AK2: variants seen among roughly 807,000 people sequenced by gnomAD.
AK2 encodes the protein adenylate kinase 2.
In AK2, 15 loss-of-function variants were observed where a neutral mutation model predicts 24.6. That is an observed-to-expected ratio of 0.61 (90% CI 0.41 to 0.94). The LOEUF is 0.94. AK2 is among the 40% of genes least tolerant of loss of function. The pLI, the probability that AK2 is intolerant of heterozygous loss-of-function variation, is 0.00. For missense variants in AK2, 257 were observed against 304.1 expected, an observed-to-expected ratio of 0.85 and a Z score of 1.15; for synonymous variants, 102 against 114.0, an observed-to-expected ratio of 0.90 and a Z score of 0.67.
rs751675835 is a variant in AK2 at position 33,013,077 on chromosome 1, C to G, written c.*104G>C. On this transcript the variant is annotated 3_prime_UTR_variant, in exon 6 of 6. Coordinates refer to ENST00000672715, the MANE Select transcript of AK2 (RefSeq NM_001625.4). Reference sequence around the variant, plus strand: ...GCAAGTGCTTTTTTAATCAATACATCAAATGATATTTTTGCTAGCCTGAGG... The same window carrying G: ...GCAAGTGCTTTTTTAATCAATACATGAAATGATATTTTTGCTAGCCTGAGG... 1.2e-5 allele frequency: 20 copies of G among 1,608,398 alleles called. No individual in the cohort carries two copies. The highest frequency in any genetic ancestry group is 1.6e-4 in the Middle Eastern group (1 of 6,080).
intron 4 of AK2, among the ~76,000 whole-genome samples, chr1:33,016,139 T>C (rs558592682): frequency 3.3e-5 from 5 of 152,246 alleles, no homozygotes; most frequent in African/African-American, 7.2e-5. Flanking sequence ...CCAAAATCCA[T>C]AGATGCTCAA....
chr1:33,018,366 A>C (rs1639324741), intron 4 of AK2, among the ~76,000 whole-genome samples: 3 of 152,168 alleles, frequency 2.0e-5, no homozygotes, highest in Admixed American at 2.0e-4. Flanking sequence ...CAGCATCTTC[A>C]AACAGCCGAC....
At chr1:33,026,918 G>C (rs977871786) in intron 1 of AK2, among the ~76,000 whole-genome samples, 3 of 151,984 alleles carry the variant, frequency 2.0e-5, no homozygotes, top group African/African-American at 7.3e-5. Flanking sequence ...CGGAAGTCAG[G>C]AGTTCGAGAC....
At chr1:33,034,449 T>TACACACACACACACACAC (rs71833811) in intron 1 of AK2, among the ~76,000 whole-genome samples, 24 of 141,984 alleles carry the variant, frequency 1.7e-4, no homozygotes, top group African/African-American at 6.3e-4. Context: ...GGGTGCTTGA[T>TACACACACACACACACAC]ACACACACAC....
intron 1 of AK2, among the ~76,000 whole-genome samples, chr1:33,027,167 T>C (rs1424405894): frequency 6.6e-6 from 1 of 152,216 alleles, no homozygotes; most frequent in Admixed American, 6.5e-5. Flanking sequence ...AATCAGTGAA[T>C]GTCAGGAGCC....
Position 33,026,219 on chromosome 1 carries a change from GAC to G in AK2, c.94-1654_94-1653del, listed in dbSNP as rs1639870188. The stretch of plus-strand genomic sequence containing the variant: ...TCTTTCTTTCTTTCTTTTTTTTTGA[GAC>G]AGAGTCTCACTCTATCACCCAGGCT... On this transcript the variant is annotated intron_variant, in intron 1 of 5. Transcript: ENST00000672715. 2.0e-5 allele frequency among the ~76,000 whole-genome samples: 3 copies of G among 151,514 alleles called. No homozygotes were observed. In the South Asian group the frequency reaches 6.2e-4, roughly 31 times the overall value.
At position 33,011,563 on chromosome 1, in the gene AK2, G is replaced by A. The variant is rs1258484257; in HGVS notation, c.*1618C>T. On this transcript the variant is annotated 3_prime_UTR_variant, in exon 6 of 6. Transcript: ENST00000672715. ...ATGGCAGGAGAGCTCAGGTCAGGAG[G>A]CTGGGCACTTTAGAGTCCACTGAAT... 3 of 1,287,706 alleles carry A rather than the reference G, an allele frequency of 2.3e-6. No homozygotes were observed. The highest frequency in any genetic ancestry group is 6.5e-4 in the Middle Eastern group (2 of 3,064). The allele number at this position is 1,287,706 out of a possible 1,614,324, so 79.8% of individuals were successfully genotyped here.
chr1:33,010,889 T>C lies in AK2; in HGVS notation c.*2292A>G. 6.2e-7 allele frequency: 1 copy of C among 1,612,530 alleles called. No homozygotes were observed. Among genetic ancestry groups the C allele is most frequent in the Non-Finnish European group, 8.5e-7 (1 of 1,179,418 alleles). ...AATGGGTTTTTAAAAACCAAGTACA[T>C]ATCAGAGGAGGCTGGCATGTAAGCC... On this transcript the variant is annotated 3_prime_UTR_variant, in exon 6 of 6. Transcript: ENST00000672715.
chr1:33,033,677 T>C (rs1302085458), intron 1 of AK2, among the ~76,000 whole-genome samples: 4 of 152,072 alleles, frequency 2.6e-5, no homozygotes, highest in Admixed American at 6.5e-5. Context: ...GCCTGGGAGG[T>C]GCTTTATAAT....
intron 1 of AK2, among the ~76,000 whole-genome samples, chr1:33,033,721 G>A (rs572277280): frequency 3.5e-4 from 54 of 152,232 alleles, no homozygotes; most frequent in African/African-American, 1.3e-3. Context: ...GAGGAGCGAA[G>A]GCCACCAGTT....
At position 33,009,614 on chromosome 1, in the gene AK2, T is replaced by C. The variant is rs1179111657; in HGVS notation, c.*3567A>G. 2.2e-6 allele frequency: 1 copy of C among 454,138 alleles called. No homozygotes were observed. The highest frequency in any genetic ancestry group is 4.4e-6 in the Non-Finnish European group (1 of 226,786). The allele number at this position is 454,138 out of a possible 1,614,324, so 28.1% of individuals were successfully genotyped here. ...CAAGAAGGTGGCATAACCAACTTCC[T>C]TTTTCAGCTGAGGAAACAGGAGCAC... On this transcript the variant is annotated 3_prime_UTR_variant, in exon 6 of 6. Transcript: ENST00000672715.
chr1:33,010,954 C>T lies in AK2; in HGVS notation c.*2227G>A, dbSNP rs972026266. On this transcript the variant is annotated 3_prime_UTR_variant, in exon 6 of 6. Transcript: ENST00000672715. ...CATTAAACACTGGACATTTCTGTGA[C>T]AGGTAAAAGCAGAACCTGCTGAGGC... The T allele has an allele frequency of 1.3e-6, 2 of 1,560,590 alleles. No individual in the cohort carries two copies. Among genetic ancestry groups the T allele is most frequent in the African/African-American group, 2.7e-5 (2 of 73,700 alleles).
chr1:33,032,148 T>C (rs1432211678), intron 1 of AK2: 1 of 161,570 alleles, frequency 6.2e-6, no homozygotes, highest in Non-Finnish European at 1.4e-5. Context: ...TTAGGGATTT[T>C]ACATGTAAGA....
rs1254925209 is a variant in AK2 at position 33,012,518 on chromosome 1, T to C, written c.*663A>G. ...GCTGCTGGAAATGGAAGAAATACTA[T>C]GAGGTTCTGGAATTGCGGTCCCTGG... On this transcript the variant is annotated 3_prime_UTR_variant, in exon 6 of 6. Transcript: ENST00000672715. 3 of 1,342,366 alleles carry C rather than the reference T, an allele frequency of 2.2e-6. No individual in the cohort carries two copies. In the South Asian group the frequency reaches 3.7e-5, roughly 16 times the overall value. The allele number at this position is 1,342,366 out of a possible 1,614,324, so 83.2% of individuals were successfully genotyped here.
At position 33,009,952 on chromosome 1, in the gene AK2, G is replaced by A. The variant is rs1482383654; in HGVS notation, c.*3229C>T. ...TTTAACATATTTTATTGATTTAGGG[G>A]CCAAACAAGGCAGCATTTGGTCAGT... On this transcript the variant is annotated 3_prime_UTR_variant, in exon 6 of 6. Coordinates refer to ENST00000672715, the MANE Select transcript of AK2 (RefSeq NM_001625.4). 2 of 454,590 alleles carry A rather than the reference G, an allele frequency of 4.4e-6. No homozygotes were observed. The highest frequency in any genetic ancestry group is 6.9e-4 in the Middle Eastern group (1 of 1,444). 28.2% of individuals were successfully genotyped at this position (454,590 alleles called of 1,614,324 possible).
chr1:33,023,930 G>A (rs1010057303), intron 2 of AK2, among the ~76,000 whole-genome samples: 7 of 152,186 alleles, frequency 4.6e-5, no homozygotes, highest in African/African-American at 1.7e-4. Context: ...CAGCACTTTG[G>A]GAGGCCAAGG....
intron 1 of AK2, among the ~76,000 whole-genome samples, chr1:33,030,150 C>A (rs954287598): frequency 6.6e-6 from 1 of 152,242 alleles, no homozygotes; most frequent in Non-Finnish European, 1.5e-5. Context: ...TTCCCAAATA[C>A]GCGGCATAAA....
chr1:33,011,590 G>A lies in AK2; in HGVS notation c.*1591C>T, dbSNP rs765259482. 95 of 1,286,906 alleles carry A rather than the reference G, an allele frequency of 7.4e-5. No homozygotes were observed. Among genetic ancestry groups the A allele is most frequent in the African/African-American group, 2.0e-4 (13 of 65,820 alleles). The allele number at this position is 1,286,906 out of a possible 1,614,324, so 79.7% of individuals were successfully genotyped here. A position where few individuals can be genotyped will look rare whatever the true frequency, so the allele number is the denominator to read the frequency against. On this transcript the variant is annotated 3_prime_UTR_variant, in exon 6 of 6. Transcript: ENST00000672715. ...TGGGCACTTTAGAGTCCACTGAATCGAGTCAGCAGCAGATTATGCTGAGGC... is the reference window on the plus strand; with the variant it reads ...TGGGCACTTTAGAGTCCACTGAATCAAGTCAGCAGCAGATTATGCTGAGGC...
Position 33,009,267 on chromosome 1 carries a change from A to T in AK2, c.*3914T>A, listed in dbSNP as rs895830494. ...CACTTGCAAAGGCAGCCCTTCCAAA[A>T]ACATGAGAGCTTTAGTTTGGAGAAA... On this transcript the variant is annotated 3_prime_UTR_variant, in exon 6 of 6. Transcript: ENST00000672715. 4.4e-6 allele frequency: 2 copies of T among 454,088 alleles called. No individual in the cohort carries two copies. The highest frequency in any genetic ancestry group is 8.8e-6 in the Non-Finnish European group (2 of 226,774). The allele number at this position is 454,088 out of a possible 1,614,324, so 28.1% of individuals were successfully genotyped here.
Sources: gnomAD v4.1 joint callset for allele counts (sites outside exome capture counted in the v4.1 genomes callset) on GRCh38, gnomAD v4.1.1 for gene constraint, MANE v1.5 for transcripts, NCBI Gene and HGNC (gene_info 2026-07-23, HGNC 2026-07-21) for gene names.